FOXP1: variants seen among roughly 807,000 people sequenced by gnomAD.
FOXP1 encodes the protein forkhead box protein P1.
A neutral mutation model predicts 98.2 loss-of-function variants in FOXP1; 15 were observed. The ratio of observed to expected loss-of-function variants is 0.15; its 90% CI spans 0.10 to 0.24. FOXP1 has a LOEUF of 0.24. Ranked by LOEUF, FOXP1 falls within the 10% of genes least tolerant of loss-of-function variation. The probability of loss-of-function intolerance (pLI) is 1.00; values close to 1 mark genes in which losing one functional copy is unlikely to be tolerated. For missense variants in FOXP1, 633 were observed against 848.5 expected, an observed-to-expected ratio of 0.75 and a Z score of 3.15; for synonymous variants, 371 against 314.5, an observed-to-expected ratio of 1.18 and a Z score of -1.90.
intron 2 of FOXP1, among the ~76,000 whole-genome samples, chr3:71,522,378 T>C (rs955559377): frequency 2.1e-4 from 32 of 152,186 alleles, no homozygotes; most frequent in Non-Finnish European, 8.8e-5. Flanking sequence ...GATGGTGTTT[T>C]CCAAGAGAAG....
intron 6 of FOXP1, among the ~76,000 whole-genome samples, chr3:71,152,282 G>A (rs1193217668): frequency 1.3e-5 from 2 of 152,160 alleles, no homozygotes; most frequent in Non-Finnish European, 2.9e-5. Context: ...GAGTTTGGAA[G>A]GGGATCCCAA....
At chr3:71,483,394 G>C (rs982547382) in intron 3 of FOXP1, among the ~76,000 whole-genome samples, 4 of 152,168 alleles carry the variant, frequency 2.6e-5, no homozygotes, top group Non-Finnish European at 5.9e-5. Context: ...AAACACCAGA[G>C]AGCGGGAACA....
chr3:71,085,321 A>AT (rs930931613), intron 7 of FOXP1, among the ~76,000 whole-genome samples: 5 of 151,306 alleles, frequency 3.3e-5, no homozygotes, highest in African/African-American at 9.7e-5. Flanking sequence ...TTAAAAAAAA[A>AT]TTTTTTTTTG....
chr3:71,185,554 T>G (rs2062595079), intron 6 of FOXP1, among the ~76,000 whole-genome samples: 1 of 152,166 alleles, frequency 6.6e-6, no homozygotes, highest in Non-Finnish European at 1.5e-5. Flanking sequence ...ACATCTAATC[T>G]CTGGAAATCG....
At position 70,957,573 on chromosome 3, in the gene FOXP1, G is replaced by GAAC; in HGVS notation, c.*1671_*1673dup. On this transcript the variant is annotated 3_prime_UTR_variant, in exon 21 of 21. Transcript: ENST00000649528. Reference sequence around the variant, plus strand: ...ATAAATTAAGCTTCGAAAGGCTCTCGAACTAAAAAAAACTACAGTCCTATA... The same window carrying GAAC: ...ATAAATTAAGCTTCGAAAGGCTCTCGAACAACTAAAAAAAACTACAGTCCTATA... 4.3e-6 allele frequency: 1 copy of GAAC among 232,064 alleles called. No homozygotes were observed. The highest frequency in any genetic ancestry group is 8.5e-6 in the Non-Finnish European group (1 of 117,102). The allele number at this position is 232,064 out of a possible 1,614,324, so 14.4% of individuals were successfully genotyped here. A position where few individuals can be genotyped will look rare whatever the true frequency, so the allele number is the denominator to read the frequency against.
intron 3 of FOXP1, among the ~76,000 whole-genome samples, chr3:71,376,471 A>T (rs2108017914): frequency 6.6e-6 from 1 of 152,346 alleles, no homozygotes; most frequent in Middle Eastern, 3.4e-3. Flanking sequence ...TACATTCAAA[A>T]GCAATGGTAG....
rs544322234 is a variant in FOXP1, at chr3:71,191,998, G to T, written c.180+6204C>A. ...CAGCTGGGTTTTTACCTACTAGCAA[G>T]GGAAGGTGCTAGCCCCCAGCACAGT... On this transcript the variant is annotated intron_variant, in intron 6 of 20. Transcript: ENST00000649528. Among the ~76,000 whole-genome samples the T allele has an allele frequency of 3.9e-5, 6 of 152,284 alleles. No homozygotes were observed. In the South Asian group the frequency reaches 1.2e-3, roughly 32 times the overall value.
chr3:71,543,939 C>G lies in FOXP1; in HGVS notation c.-298+37610G>C, dbSNP rs560188068. On this transcript the variant is annotated intron_variant, in intron 2 of 20. Transcript: ENST00000649528. ...AATATATTTGTAAAGATATGAAATT[C>G]TCTTATTTACTATATGCTGTGCCTG... 4.0e-5 allele frequency among the ~76,000 whole-genome samples: 6 copies of G among 151,306 alleles called. No homozygotes were observed. In the South Asian group the frequency reaches 1.3e-3, roughly 32 times the overall value.
At chr3:71,038,781 A>G (rs949890203) in intron 11 of FOXP1, among the ~76,000 whole-genome samples, 5 of 151,530 alleles carry the variant, frequency 3.3e-5, no homozygotes, top group African/African-American at 1.2e-4. Flanking sequence ...CTCCCACCTC[A>G]GCCTCTCAAG....
At chr3:71,487,161 A>C (rs2090717232) in intron 3 of FOXP1, among the ~76,000 whole-genome samples, 1 of 152,166 alleles carries the variant, frequency 6.6e-6, no homozygotes, top group African/African-American at 2.4e-5. Context: ...GCAAATTGAA[A>C]AAAAAAACAC....
intron 11 of FOXP1, 102 bp downstream of exon 11, chr3:71,041,224 TCA>T (rs1441618186): frequency 3.4e-6 from 3 of 889,080 alleles, no homozygotes; most frequent in Non-Finnish European, 5.7e-6. Context: ...CACATTCAAG[TCA>T]CATGGATCCA....
At chr3:71,041,563 A>G (rs1436412734) in intron 10 of FOXP1, 31 bp from the exon 11 acceptor site, 1 of 1,591,854 alleles carries the variant, frequency 6.3e-7, no homozygotes, top group Non-Finnish European at 8.6e-7. Context: ...AATTAAATCA[A>G]TTAACAGCTA....
intron 16 of FOXP1, 71 bp downstream of exon 16, chr3:70,977,569 TCTA>T: frequency 7.6e-7 from 1 of 1,308,384 alleles, no homozygotes; most frequent in Non-Finnish European, 1.1e-6. Flanking sequence ...GGTTTTTAAA[TCTA>T]CTTCATCAAT....
chr3:71,210,105 G>C (rs2064340259), intron 5 of FOXP1, among the ~76,000 whole-genome samples: 1 of 152,126 alleles, frequency 6.6e-6, no homozygotes, highest in Non-Finnish European at 1.5e-5. Context: ...TTAACAATCA[G>C]GTTATTGGAA....
intron 7 of FOXP1, among the ~76,000 whole-genome samples, chr3:71,105,100 G>A (rs1322600545): frequency 6.6e-6 from 1 of 152,190 alleles, no homozygotes; most frequent in Non-Finnish European, 1.5e-5. Context: ...CAACTCAGCT[G>A]TATATCACAG....
intron 2 of FOXP1, among the ~76,000 whole-genome samples, chr3:71,537,950 A>G (rs2044443265): frequency 2.6e-5 from 4 of 152,220 alleles, no homozygotes; most frequent in Admixed American, 2.6e-4. Flanking sequence ...TTGGAACACA[A>G]CCACACCCAG....
At chr3:71,433,906 C>A (rs906334863) in intron 3 of FOXP1, among the ~76,000 whole-genome samples, 4 of 152,226 alleles carry the variant, frequency 2.6e-5, no homozygotes, top group African/African-American at 9.6e-5. Context: ...AGCCACAGAT[C>A]CATGCCAAAT....
At chr3:71,429,804 T>C (rs1242064747) in intron 3 of FOXP1, among the ~76,000 whole-genome samples, 1 of 152,188 alleles carries the variant, frequency 6.6e-6, no homozygotes, top group African/African-American at 2.4e-5. Flanking sequence ...GTGCCTGATC[T>C]CACTCACCTG....
chr3:71,287,757 G>A (rs538775436), intron 5 of FOXP1, among the ~76,000 whole-genome samples: 2 of 152,128 alleles, frequency 1.3e-5, no homozygotes, highest in Admixed American at 6.5e-5. Context: ...TCCAGCCTGG[G>A]TGACAGAACG....
Sources: gnomAD v4.1 joint callset for allele counts (sites outside exome capture counted in the v4.1 genomes callset) on GRCh38, gnomAD v4.1.1 for gene constraint, MANE v1.5 for transcripts, NCBI Gene and HGNC (gene_info 2026-07-23, HGNC 2026-07-21) for gene names.